EIF1: variants seen among roughly 807,000 people sequenced by gnomAD.
EIF1 encodes the protein protein translation factor SUI1 homolog.
Under a neutral mutation model 13.7 loss-of-function variants are expected in EIF1, and 4 were observed. The observed-to-expected ratio is 0.29, with a 90% confidence interval of 0.14 to 0.67. The LOEUF (loss-of-function observed/expected upper bound fraction) is 0.67, where lower values mean the gene tolerates loss of function less well. EIF1 is among the 30% of genes least tolerant of loss of function. The pLI is 0.77. For synonymous variants in EIF1, 67 were observed against 50.7 expected, an observed-to-expected ratio of 1.32 and a Z score of -1.37; for missense variants, 64 against 138.0, an observed-to-expected ratio of 0.46 and a Z score of 2.69.
Position 41,691,309 on chromosome 17 carries a change from G to A in EIF1, c.*483G>A. 4.4e-6 allele frequency: 1 copy of A among 229,070 alleles called. No individual in the cohort carries two copies. Among genetic ancestry groups the A allele is most frequent in the Non-Finnish European group, 8.4e-6 (1 of 118,496 alleles). 14.2% of individuals were successfully genotyped at this position (229,070 alleles called of 1,614,324 possible). On this transcript the variant is annotated 3_prime_UTR_variant, in exon 4 of 4. Transcript: ENST00000469257. The stretch of plus-strand genomic sequence containing the variant: ...CTGGTGTCTCCAACCTGACTAGGTG[G>A]ACAGAGCTCAAAGAGGCCCTCTTAC...
At position 41,692,354 on chromosome 17, in the gene EIF1, G is replaced by T. The variant is rs775539142; in HGVS notation, c.*1528G>T. On this transcript the variant is annotated 3_prime_UTR_variant, in exon 4 of 4. Coordinates refer to ENST00000469257, the MANE Select transcript of EIF1 (RefSeq NM_005801.4). ...AGGTTTAATGACAAGTATTTGAAGAGCTGAAGTTAAGTGTTGGGAGGCCAT... is the reference window on the plus strand; with the variant it reads ...AGGTTTAATGACAAGTATTTGAAGATCTGAAGTTAAGTGTTGGGAGGCCAT... 2 of 152,196 alleles carry T rather than the reference G, an allele frequency of 1.3e-5. No individual in the cohort carries two copies. The highest frequency in any genetic ancestry group is 2.4e-5 in the African/African-American group (1 of 41,444). The allele number at this position is 152,196 out of a possible 1,614,324, so 9.4% of individuals were successfully genotyped here. A position where few individuals can be genotyped will look rare whatever the true frequency, so the allele number is the denominator to read the frequency against.
chr17:41,692,441 TTAG>T lies in EIF1; in HGVS notation c.*1617_*1619del, dbSNP rs1910412188. ...AAGTTCTGTTCCTGGGTCCATTAAT[TTAG>T]TTAAAAAGGCAAAGTTCTTTCAGCA... On this transcript the variant is annotated 3_prime_UTR_variant, in exon 4 of 4. Transcript: ENST00000469257. The T allele has an allele frequency of 6.6e-6, 1 of 152,132 alleles. No individual in the cohort carries two copies. Among genetic ancestry groups the T allele is most frequent in the African/African-American group, 2.4e-5 (1 of 41,436 alleles). The allele number at this position is 152,132 out of a possible 1,614,324, so 9.4% of individuals were successfully genotyped here.
At chr17:41,689,112 G>C (rs774621336) in intron 1 of EIF1, 43 bp downstream of exon 1, 2 of 1,606,806 alleles carry the variant, frequency 1.2e-6, no homozygotes, top group South Asian at 2.2e-5. Context: ...GGGCAGCGGG[G>C]CCTTCCGGGC....
rs372479144 is a variant in EIF1, at chr17:41,690,394, A to G, written c.297+205A>G. ...TTTGGTTTACTGTTTCTGTGGATCT[A>G]CTTCACAGATGCAAATTTGAATAGC... On this transcript the variant is annotated intron_variant, in intron 3 of 3. Coordinates refer to ENST00000469257, the MANE Select transcript of EIF1 (RefSeq NM_005801.4). 5.1e-4 allele frequency: 292 copies of G among 576,356 alleles called. 2 individuals are homozygous for G. The highest frequency in any genetic ancestry group is 4.5e-3 in the African/African-American group (242 of 53,476). 35.7% of individuals were successfully genotyped at this position (576,356 alleles called of 1,614,324 possible).
intron 1 of EIF1, 108 bp downstream of exon 1, chr17:41,689,177 C>T: frequency 9.1e-6 from 12 of 1,320,354 alleles, no homozygotes; most frequent in Non-Finnish European, 1.2e-5. Flanking sequence ...TAAGCTCGGG[C>T]AGGGGAAACT....
In EIF1 at chr17:41,691,019, C is replaced by G; in HGVS notation, c.*193C>G. 2 of 614,694 alleles carry G rather than the reference C, an allele frequency of 3.3e-6. No homozygotes were observed. Among genetic ancestry groups the G allele is most frequent in the African/African-American group, 1.8e-5 (1 of 54,392 alleles). The allele number at this position is 614,694 out of a possible 1,614,324, so 38.1% of individuals were successfully genotyped here. A position where few individuals can be genotyped will look rare whatever the true frequency, so the allele number is the denominator to read the frequency against. On this transcript the variant is annotated 3_prime_UTR_variant, in exon 4 of 4. Transcript: ENST00000469257. ...GAGCCATGCTGTCTAGTCTTGAAGT[C>G]CCTCATTTAAACAGAGGTCAAGCAA...
Position 41,692,106 on chromosome 17 carries a change from T to G in EIF1, c.*1280T>G, listed in dbSNP as rs2143092675. Reference sequence around the variant, plus strand: ...CCACCATGCCCAGCAGGTCAACTGTTTTTGCAAGCATTTAGCCAGAGTCAT... The same window carrying G: ...CCACCATGCCCAGCAGGTCAACTGTGTTTGCAAGCATTTAGCCAGAGTCAT... On this transcript the variant is annotated 3_prime_UTR_variant, in exon 4 of 4. Transcript: ENST00000469257. 6.6e-6 allele frequency: 1 copy of G among 152,384 alleles called. No individual in the cohort carries two copies. Among genetic ancestry groups the G allele is most frequent in the South Asian group, 2.1e-4 (1 of 4,826 alleles). 9.4% of individuals were successfully genotyped at this position (152,384 alleles called of 1,614,324 possible).
Position 41,689,001 on chromosome 17 carries a change from C to A in EIF1, c.-38C>A. On this transcript the variant is annotated 5_prime_UTR_variant, in exon 1 of 4. Coordinates refer to ENST00000469257, the MANE Select transcript of EIF1 (RefSeq NM_005801.4). Reference sequence around the variant, plus strand: ...TCCCGCCACCGCCGCCGCCGCCTTCCGCAGGCCGTTTCCACCGAGGAAAAG... The same window carrying A: ...TCCCGCCACCGCCGCCGCCGCCTTCAGCAGGCCGTTTCCACCGAGGAAAAG... 1 of 1,612,028 alleles carries A rather than the reference C, an allele frequency of 6.2e-7. No individual in the cohort carries two copies. Among genetic ancestry groups the A allele is most frequent in the Non-Finnish European group, 8.5e-7 (1 of 1,179,440 alleles).
intron 3 of EIF1, 58 bp downstream of exon 3, chr17:41,690,247 T>C (rs1567766835): frequency 6.9e-7 from 1 of 1,447,038 alleles, no homozygotes; most frequent in Non-Finnish European, 9.7e-7. Context: ...AGATCCTGTC[T>C]GTTAGCTTCT....
Position 41,691,125 on chromosome 17 carries a change from A to G in EIF1, c.*299A>G. 1 of 531,000 alleles carries G rather than the reference A, an allele frequency of 1.9e-6. No homozygotes were observed. Among genetic ancestry groups the G allele is most frequent in the Admixed American group, 3.2e-5 (1 of 31,160 alleles). The allele number at this position is 531,000 out of a possible 1,614,324, so 32.9% of individuals were successfully genotyped here. A position where few individuals can be genotyped will look rare whatever the true frequency, so the allele number is the denominator to read the frequency against. On this transcript the variant is annotated 3_prime_UTR_variant, in exon 4 of 4. Transcript: ENST00000469257. ...AGCCCAGAGCCCTAAGATTACAAAC[A>G]ACTATGGCCGGAACCTCCTCAGCTC...
At chr17:41,689,753 G>A (rs754508526) in intron 1 of EIF1, 25 bp from the exon 2 acceptor site, 2 of 1,569,746 alleles carry the variant, frequency 1.3e-6, no homozygotes, top group East Asian at 4.5e-5. Flanking sequence ...TGACAGCTCT[G>A]AACGAGCTTA....
intron 3 of EIF1, chr17:41,690,500 C>G: frequency 1.8e-6 from 1 of 548,924 alleles, no homozygotes; most frequent in Non-Finnish European, 3.2e-6. Flanking sequence ...AATGAATTTC[C>G]TGAGTATTAA....
rs1049929271 is a variant in EIF1, at chr17:41,690,055, C to T, written c.196-33C>T. On this transcript the variant is annotated intron_variant, in intron 2 of 3. Coordinates refer to ENST00000469257, the MANE Select transcript of EIF1 (RefSeq NM_005801.4). ...GGTGATAAATGCGTTCATGCTCTTG[C>T]TAGGCCTAATTCGTTTTCCTTTGTG... is the stretch of plus-strand genomic sequence containing the variant. 3.7e-6 allele frequency: 6 copies of T among 1,611,258 alleles called. No individual in the cohort carries two copies. The East Asian group carries it at 8.9e-5, about 24-fold the overall frequency.
chr17:41,691,413 ACAT>A lies in EIF1; in HGVS notation c.*590_*592del, dbSNP rs1354682770. On this transcript the variant is annotated 3_prime_UTR_variant, in exon 4 of 4. Transcript: ENST00000469257. ...CATATCCTAGCTAAGGGATGTCCAA[ACAT>A]CAGAATGTGAGGCCAACCTTCTATC... 3.2e-5 allele frequency: 5 copies of A among 157,068 alleles called. No individual in the cohort carries two copies. The highest frequency in any genetic ancestry group is 1.2e-4 in the African/African-American group (5 of 41,618). 9.7% of individuals were successfully genotyped at this position (157,068 alleles called of 1,614,324 possible). A position where few individuals can be genotyped will look rare whatever the true frequency, so the allele number is the denominator to read the frequency against.
Position 41,688,917 on chromosome 17 carries a change from G to A in EIF1, c.-122G>A, listed in dbSNP as rs985079541. 6.1e-6 allele frequency: 6 copies of A among 984,720 alleles called. No homozygotes were observed. The African/African-American group carries it at 6.4e-5, about 10-fold the overall frequency. 61.0% of individuals were successfully genotyped at this position (984,720 alleles called of 1,614,324 possible). ...TCACTGAGCCGCCGCCGAGGATTCAGCAGCCTCCCCCTTGAGCCCCCTCGC... is the reference window on the plus strand; with the variant it reads ...TCACTGAGCCGCCGCCGAGGATTCAACAGCCTCCCCCTTGAGCCCCCTCGC... On this transcript the variant is annotated 5_prime_UTR_variant, in exon 1 of 4. Transcript: ENST00000469257.
At chr17:41,690,250 T>G in intron 3 of EIF1, 61 bp downstream of exon 3, 2 of 1,436,306 alleles carry the variant, frequency 1.4e-6, no homozygotes, top group Non-Finnish European at 2.0e-6. Flanking sequence ...TCCTGTCTGT[T>G]AGCTTCTGCT....
chr17:41,689,298 A>G lies in EIF1; in HGVS notation c.31+229A>G, dbSNP rs58913958. On this transcript the variant is annotated intron_variant, in intron 1 of 3. Transcript: ENST00000469257. Reference sequence around the variant, plus strand: ...AGCCCTTGGGCGGGCCCGGCGTCTCAGTGGCGCATTTACTAATGGCTCCTG... The same window carrying G: ...AGCCCTTGGGCGGGCCCGGCGTCTCGGTGGCGCATTTACTAATGGCTCCTG... 6,789 of 601,676 alleles carry G rather than the reference A, an allele frequency of 0.011. 349 individuals carry two copies. The African/African-American group carries it at 0.11, about 10-fold the overall frequency. The allele number at this position is 601,676 out of a possible 1,614,324, so 37.3% of individuals were successfully genotyped here. A position where few individuals can be genotyped will look rare whatever the true frequency, so the allele number is the denominator to read the frequency against.
At position 41,690,871 on chromosome 17, in the gene EIF1, G is replaced by GAGT. The variant is rs1411922612; in HGVS notation, c.*48_*50dup. ...GCTTAAGTGAGGATTTCCTTGCAATGAGTAGAATTTCCCTTCTCTCCCTTG... is the reference window on the plus strand; with the variant it reads ...GCTTAAGTGAGGATTTCCTTGCAATGAGTAGTAGAATTTCCCTTCTCTCCCTTG... On this transcript the variant is annotated 3_prime_UTR_variant, in exon 4 of 4. Transcript: ENST00000469257. 2 of 1,605,732 alleles carry GAGT rather than the reference G, an allele frequency of 1.2e-6. No homozygotes were observed. The highest frequency in any genetic ancestry group is 1.7e-6 in the Non-Finnish European group (2 of 1,173,946).
At position 41,691,771 on chromosome 17, in the gene EIF1, C is replaced by G. The variant is rs1011271278; in HGVS notation, c.*945C>G. On this transcript the variant is annotated 3_prime_UTR_variant, in exon 4 of 4. Coordinates refer to ENST00000469257, the MANE Select transcript of EIF1 (RefSeq NM_005801.4). ...GGGCCTGAATTTGGCCAAGAAAAAC[C>G]TTTATGAGCTTGTCCCTCTCTGGTC... 1 of 152,566 alleles carries G rather than the reference C, an allele frequency of 6.6e-6. No homozygotes were observed. The highest frequency in any genetic ancestry group is 1.9e-4 in the East Asian group (1 of 5,206). The allele number at this position is 152,566 out of a possible 1,614,324, so 9.5% of individuals were successfully genotyped here.
Sources: allele counts gnomAD v4.1 joint callset, GRCh38; gene constraint gnomAD v4.1.1; transcripts MANE v1.5; gene names NCBI Gene and HGNC (gene_info 2026-07-23, HGNC 2026-07-21).